APOL6: variants seen among roughly 807,000 people sequenced by gnomAD.
APOL6 encodes apolipoprotein L6, also known as apolipoprotein L, 6.
A neutral mutation model predicts 2.4 loss-of-function variants in APOL6; 1 was observed. The observed-to-expected ratio is 0.41, with a 90% CI of 0.15 to 1.94. APOL6 has a LOEUF of 1.94. Ranked by LOEUF, APOL6 falls within the 30% of genes most tolerant of loss-of-function variation. The pLI, the probability that APOL6 is intolerant of heterozygous loss-of-function variation, is 0.30. For missense variants in APOL6, 438 were observed against 429.2 expected (o/e 1.02, Z -0.18); for synonymous variants, 189 against 169.3 (o/e 1.12, Z -0.90).
intron 2 of APOL6, 99 bp from the exon 3 acceptor site, chr22:35,658,516 G>A: frequency 9.5e-7 from 1 of 1,053,978 alleles, no homozygotes; most frequent in African/African-American, 1.6e-5. Flanking sequence ...GGGAGGTACA[G>A]GGAGGATTCG....
At chr22:35,656,539 CACGATA>C in intron 2 of APOL6, 64 bp downstream of exon 2, 1 of 1,577,098 alleles carries the variant, frequency 6.3e-7, no homozygotes, top group Non-Finnish European at 8.7e-7. Context: ...CAGGCATCCT[CACGATA>C]AGGAATACAT....
chr22:35,657,168 T>C (rs768230568), intron 2 of APOL6, among the ~76,000 whole-genome samples: 54 of 152,188 alleles, frequency 3.5e-4, no homozygotes, highest in Non-Finnish European at 6.8e-4. Context: ...CAGCTACATA[T>C]CTATTTGCTG....
rs1423544503 is a variant in APOL6 at position 35,664,386 on chromosome 22, A to G, written c.*4790A>G. Reference sequence around the variant, plus strand: ...CTTTAGGCAGTTTAGTCCACAGACAATAAGGAGGTTTGTTTTGGGAAAGGA... The same window carrying G: ...CTTTAGGCAGTTTAGTCCACAGACAGTAAGGAGGTTTGTTTTGGGAAAGGA... On this transcript the variant is annotated 3_prime_UTR_variant, in exon 3 of 3. Transcript: ENST00000409652. 1 of 152,226 alleles carries G rather than the reference A, an allele frequency of 6.6e-6. No individual in the cohort carries two copies. The highest frequency in any genetic ancestry group is 1.9e-4 in the East Asian group (1 of 5,204). 9.4% of individuals were successfully genotyped at this position (152,226 alleles called of 1,614,324 possible).
intron 2 of APOL6, among the ~76,000 whole-genome samples, chr22:35,658,296 C>G (rs1227851975): frequency 6.6e-6 from 1 of 152,216 alleles, no homozygotes; most frequent in Non-Finnish European, 1.5e-5. Context: ...TGCCCCTCCT[C>G]TGCAGCAGTG....
intron 1 of APOL6, among the ~76,000 whole-genome samples, chr22:35,654,621 T>C (rs1924796365): frequency 1.3e-5 from 2 of 151,806 alleles, no homozygotes; most frequent in African/African-American, 4.8e-5. Flanking sequence ...TATATATCTA[T>C]ATATAATTAT....
intron 1 of APOL6, among the ~76,000 whole-genome samples, chr22:35,652,997 A>C (rs1258192534): frequency 2.6e-5 from 4 of 151,518 alleles, no homozygotes; most frequent in Non-Finnish European, 5.9e-5. Flanking sequence ...CAGTATGGCC[A>C]TTTTCATGAT....
Position 35,664,742 on chromosome 22 carries a change from G to C in APOL6, c.*5146G>C, listed in dbSNP as rs1211448800. On this transcript the variant is annotated 3_prime_UTR_variant, in exon 3 of 3. Transcript: ENST00000409652. ...TAAATAATAGATAATTTATTATTTG[G>C]GTATTTTCCAATAAATATATCTTGT... is the stretch of plus-strand genomic sequence containing the variant. 2 of 151,464 alleles carry C rather than the reference G, an allele frequency of 1.3e-5. No individual in the cohort carries two copies. The highest frequency in any genetic ancestry group is 2.9e-5 in the Non-Finnish European group (2 of 67,906). 9.4% of individuals were successfully genotyped at this position (151,464 alleles called of 1,614,324 possible). A position where few individuals can be genotyped will look rare whatever the true frequency, so the allele number is the denominator to read the frequency against.
At chr22:35,654,831 C>G (rs1452916327) in intron 1 of APOL6, among the ~76,000 whole-genome samples, 4 of 152,056 alleles carry the variant, frequency 2.6e-5, no homozygotes, top group Non-Finnish European at 5.9e-5. Context: ...AATTAAGAAG[C>G]AGCAGATGCA....
chr22:35,658,560 A>G (rs1335668876), intron 2 of APOL6, 55 bp from the exon 3 acceptor site: 13 of 1,472,632 alleles, frequency 8.8e-6, no homozygotes, highest in Admixed American at 6.4e-5. Flanking sequence ...CAAGAGCCAC[A>G]TGGGTTTTCC....
intron 2 of APOL6, 124 bp downstream of exon 2, chr22:35,656,599 C>T: frequency 1.8e-6 from 2 of 1,126,172 alleles, no homozygotes; most frequent in South Asian, 2.5e-5. Flanking sequence ...TATCTTACCG[C>T]TGGTCTCCAT....
chr22:35,653,437 G>A (rs1924753310), intron 1 of APOL6, among the ~76,000 whole-genome samples: 1 of 152,190 alleles, frequency 6.6e-6, no homozygotes, highest in African/African-American at 2.4e-5. Flanking sequence ...ACGCTATGTT[G>A]AATAGGAGTG....
intron 2 of APOL6, among the ~76,000 whole-genome samples, 168 bp downstream of exon 2, chr22:35,656,643 A>C (rs1001001663): frequency 2.0e-5 from 3 of 152,128 alleles, no homozygotes; most frequent in Admixed American, 6.6e-5. Context: ...CTAGGGAAAA[A>C]AATACTTCAT....
In APOL6 at chr22:35,659,374, G is replaced by A; in HGVS notation, c.810G>A (p.Glu270=). The change falls in exon 3 of 3, where the codon GAG becomes GAA. Residue 270 remains glutamate, a synonymous_variant. Transcript: ENST00000409652. ...GAGCAAGGACAAAGTTTGCGGAAGA[G>A]TTGAGAGCCAAGGCCTTGGAGCTGG... ...KEGARTKFAE[E]LRAKALELER... The A allele has an allele frequency of 6.2e-7, 1 of 1,614,152 alleles. No homozygotes were observed. Among genetic ancestry groups the A allele is most frequent in the Non-Finnish European group, 8.5e-7 (1 of 1,180,038 alleles).
intron 1 of APOL6, among the ~76,000 whole-genome samples, 167 bp from the exon 2 acceptor site, chr22:35,656,212 A>C (rs1404669912): frequency 6.6e-6 from 1 of 152,246 alleles, no homozygotes; most frequent in Non-Finnish European, 1.5e-5. Flanking sequence ...CATTTATTGT[A>C]TGTAAGCTAC....
rs1925226521 is a variant in APOL6, at chr22:35,667,735, T to C, written c.*8139T>C. 6.6e-6 allele frequency: 1 copy of C among 152,214 alleles called. No individual in the cohort carries two copies. Among genetic ancestry groups the C allele is most frequent in the Admixed American group, 6.5e-5 (1 of 15,282 alleles). 9.4% of individuals were successfully genotyped at this position (152,214 alleles called of 1,614,324 possible). A position where few individuals can be genotyped will look rare whatever the true frequency, so the allele number is the denominator to read the frequency against. On this transcript the variant is annotated 3_prime_UTR_variant, in exon 3 of 3. Transcript: ENST00000409652. Reference sequence around the variant, plus strand: ...AGCTGTGCTTTTAACTTCCCCACCATGTTGCACCTAAAGCTTTGGAGTTTT... The same window carrying C: ...AGCTGTGCTTTTAACTTCCCCACCACGTTGCACCTAAAGCTTTGGAGTTTT...
In APOL6 at chr22:35,662,079, G is replaced by C. The variant is rs775980955; in HGVS notation, c.*2483G>C. ...TCTGATCGATGTAGATTCCAGGAAGGGGTGTCCAGGACAATTACCTTCCTT... is the reference window on the plus strand; with the variant it reads ...TCTGATCGATGTAGATTCCAGGAAGCGGTGTCCAGGACAATTACCTTCCTT... On this transcript the variant is annotated 3_prime_UTR_variant, in exon 3 of 3. Coordinates refer to ENST00000409652, the MANE Select transcript of APOL6 (RefSeq NM_030641.4). 6.6e-6 allele frequency: 1 copy of C among 152,058 alleles called. No individual in the cohort carries two copies. The highest frequency in any genetic ancestry group is 1.5e-5 in the Non-Finnish European group (1 of 68,002). The allele number at this position is 152,058 out of a possible 1,614,324, so 9.4% of individuals were successfully genotyped here.
rs1925158073 is a variant in APOL6 at position 35,665,680 on chromosome 22, GA to G, written c.*6088del. On this transcript the variant is annotated 3_prime_UTR_variant, in exon 3 of 3. Coordinates refer to ENST00000409652, the MANE Select transcript of APOL6 (RefSeq NM_030641.4). ...TCTTATAGTTTGTTTACAAAATTTTGAAAATCAAATGTGATTGGCTTCAGGC... is the reference window on the plus strand; with the variant it reads ...TCTTATAGTTTGTTTACAAAATTTTGAAATCAAATGTGATTGGCTTCAGGC... 6.6e-6 allele frequency: 1 copy of G among 152,134 alleles called. No individual in the cohort carries two copies. The highest frequency in any genetic ancestry group is 2.1e-4 in the South Asian group (1 of 4,826). The allele number at this position is 152,134 out of a possible 1,614,324, so 9.4% of individuals were successfully genotyped here.
chr22:35,649,883 A>G (rs1407867893), intron 1 of APOL6, among the ~76,000 whole-genome samples: 1 of 152,188 alleles, frequency 6.6e-6, no homozygotes, highest in African/African-American at 2.4e-5. Context: ...GGTGCTTGGC[A>G]GCATCCCTGG....
chr22:35,657,217 T>C (rs1924868662), intron 2 of APOL6, among the ~76,000 whole-genome samples: 1 of 152,218 alleles, frequency 6.6e-6, no homozygotes, highest in African/African-American at 2.4e-5. Context: ...AACACAGAGA[T>C]CAGGGTGGGC....
Sources: allele counts gnomAD v4.1 joint callset (sites outside exome capture counted in the v4.1 genomes callset), GRCh38; gene constraint gnomAD v4.1.1; transcripts MANE v1.5; gene names NCBI Gene and HGNC (gene_info 2026-07-23, HGNC 2026-07-21).